Variants in TAB2 observed in about 807,000 individuals in gnomAD.
The protein encoded by TAB2 is TGF-beta-activated kinase 1 and MAP3K7-binding protein 2.
In TAB2, 3 loss-of-function variants were observed where a neutral mutation model predicts 65.0. That is an observed-to-expected ratio of 0.05 (90% confidence interval 0.02 to 0.12). TAB2 has a LOEUF of 0.12. Ranked by LOEUF, TAB2 falls within the 10% of genes least tolerant of loss-of-function variation. The probability of loss-of-function intolerance (pLI) is 1.00; values close to 1 mark genes in which losing one functional copy is unlikely to be tolerated. For missense variants in TAB2, 623 were observed against 840.3 expected (o/e 0.74, Z 3.20); for synonymous variants, 298 against 285.1 (o/e 1.05, Z -0.46).
intron 3 of TAB2, among the ~76,000 whole-genome samples, chr6:149,393,762 G>A (rs1782075012): frequency 6.6e-6 from 1 of 152,134 alleles, no homozygotes; most frequent in Non-Finnish European, 1.5e-5. Flanking sequence ...GATTTTCCAT[G>A]CAGAGTTGCA....
intron 1 of TAB2, among the ~76,000 whole-genome samples, chr6:149,277,960 CAT>C (rs71685416): frequency 0.5 from 75,750 of 151,866 alleles, 20,416 homozygotes; most frequent in African/African-American, 0.7. Flanking sequence ...TTTTCAAAAA[CAT>C]ATTAATGATA....
intron 6 of TAB2, among the ~76,000 whole-genome samples, chr6:149,406,686 C>T (rs1342620815): frequency 2.6e-5 from 4 of 151,948 alleles, no homozygotes; most frequent in Non-Finnish European, 4.4e-5. Flanking sequence ...AATTTTTGTA[C>T]TCTACTTCAT....
chr6:149,220,432 G>A (rs754186494), intron 1 of TAB2, among the ~76,000 whole-genome samples: 25 of 152,080 alleles, frequency 1.6e-4, no homozygotes, highest in Middle Eastern at 3.2e-3. Flanking sequence ...ACACGATTAC[G>A]GGACACCATG....
chr6:149,348,436 GA>G (rs945423418), intron 1 of TAB2, among the ~76,000 whole-genome samples: 59 of 142,912 alleles, frequency 4.1e-4, no homozygotes, highest in African/African-American at 5.7e-4. Context: ...AAGAAAGAAA[GA>G]AAAAAAAAAA....
At chr6:149,357,150 G>A (rs1780678399) in intron 1 of TAB2, among the ~76,000 whole-genome samples, 1 of 151,994 alleles carries the variant, frequency 6.6e-6, no homozygotes, top group Admixed American at 6.6e-5. Flanking sequence ...GGGTGCAGTG[G>A]CTCACTCCTG....
At chr6:149,249,566 TTCTGTCTCTCTGTC>T (rs1302809178) in intron 1 of TAB2, among the ~76,000 whole-genome samples, 3 of 151,226 alleles carry the variant, frequency 2.0e-5, no homozygotes, top group African/African-American at 2.4e-5. Flanking sequence ...CTCCCTCTCT[TTCTGTCTCTCTGTC>T]TCTGTCTCCC....
intron 1 of TAB2, among the ~76,000 whole-genome samples, chr6:149,301,916 T>C (rs1189237059): frequency 1.3e-5 from 2 of 152,226 alleles, no homozygotes; most frequent in Non-Finnish European, 2.9e-5. Context: ...ATTAAATTCT[T>C]ATATCATTTA....
intron 1 of TAB2, among the ~76,000 whole-genome samples, chr6:149,256,520 G>A (rs1005936635): frequency 1.4e-4 from 21 of 152,292 alleles, no homozygotes; most frequent in Non-Finnish European, 2.8e-4. Context: ...TGGAGGCAGG[G>A]TAGTATTCAA....
chr6:149,298,931 T>G (rs561143232), intron 1 of TAB2, among the ~76,000 whole-genome samples: 4 of 152,238 alleles, frequency 2.6e-5, no homozygotes, highest in Non-Finnish European at 5.9e-5. Flanking sequence ...GCAAAGTACA[T>G]TCCTTCTGCT....
chr6:149,271,016 C>T (rs574240149), intron 1 of TAB2, among the ~76,000 whole-genome samples: 22 of 151,862 alleles, frequency 1.4e-4, no homozygotes, highest in Admixed American at 7.2e-4. Flanking sequence ...GCTGCCATGT[C>T]GCTCTATCTC....
At position 149,379,340 on chromosome 6, in the gene TAB2, A is replaced by C. The variant is rs752115301; in HGVS notation, c.1425A>C (p.Ala475=). 6.2e-7 allele frequency: 1 copy of C among 1,614,234 alleles called. No homozygotes were observed. ...CAGTCTCTCCCAATAAGCCCCCTGC[A>C]GTTTCACCAGGGGTGGTGTCCCCTA... ...KITVSPNKPP[A]VSPGVVSPTF... is the part of the protein sequence containing the mutation. The change falls in exon 3 of 7, where the codon GCA becomes GCC. Residue 475 remains alanine (A), a synonymous_variant. Transcript: ENST00000637181.
chr6:149,253,601 C>T (rs931132260), intron 1 of TAB2, among the ~76,000 whole-genome samples: 1 of 110,542 alleles, frequency 9.0e-6, no homozygotes, highest in Non-Finnish European at 1.7e-5. Context: ...GCCTGGGTGA[C>T]AGAGCAAGAC....
intron 1 of TAB2, among the ~76,000 whole-genome samples, chr6:149,356,100 A>G (rs1780646533): frequency 6.6e-6 from 1 of 152,222 alleles, no homozygotes; most frequent in African/African-American, 2.4e-5. Context: ...GATACCTCCT[A>G]ATTTAATCGT....
At chr6:149,248,428 A>AAAGGGAGGAAGGAAGGAAGGAAGGAAGG (rs1777779035) in intron 1 of TAB2, among the ~76,000 whole-genome samples, 1 of 117,248 alleles carries the variant, frequency 8.5e-6, no homozygotes, top group Non-Finnish European at 1.7e-5. Flanking sequence ...AAAAAGAAAG[A>AAAGGGAGGAAGGAAGGAAGGAAGGAAGG]AAGGAAGGAA....
chr6:149,238,684 T>G (rs1230663697), intron 1 of TAB2, among the ~76,000 whole-genome samples: 1 of 152,214 alleles, frequency 6.6e-6, no homozygotes, highest in African/African-American at 2.4e-5. Context: ...ATTCTCACTG[T>G]GAATCACTGT....
At chr6:149,270,937 C>A (rs920848316) in intron 1 of TAB2, among the ~76,000 whole-genome samples, 1 of 151,918 alleles carries the variant, frequency 6.6e-6, no homozygotes, top group Non-Finnish European at 1.5e-5. Context: ...ACTGCTGTTG[C>A]AAAAAACTGG....
chr6:149,318,392 A>G (rs1277899711), intron 1 of TAB2, among the ~76,000 whole-genome samples: 1 of 149,830 alleles, frequency 6.7e-6, no homozygotes, highest in South Asian at 2.1e-4. Context: ...GCCCCCAGGC[A>G]TGTGTGAGGT....
At chr6:149,346,446 A>C (rs1251591638) in intron 1 of TAB2, 1 of 129,654 alleles carries the variant, frequency 7.7e-6, no homozygotes, top group African/African-American at 2.9e-5. Context: ...CAGTTGGTGA[A>C]ACTTTTTTTT....
intron 1 of TAB2, among the ~76,000 whole-genome samples, chr6:149,283,560 A>G (rs184060013): frequency 1.3e-5 from 2 of 152,186 alleles, no homozygotes; most frequent in East Asian, 3.9e-4. Context: ...AAATACAAAA[A>G]TTAGCCAGGC....
Sources: allele counts gnomAD v4.1 joint callset (sites outside exome capture counted in the v4.1 genomes callset), GRCh38; gene constraint gnomAD v4.1.1; transcripts MANE v1.5; gene names NCBI Gene and HGNC (gene_info 2026-07-23, HGNC 2026-07-21).